Variants in CCDC178 observed in about 807,000 individuals in gnomAD.
The protein encoded by CCDC178 is coiled-coil domain containing 178.
Under a neutral mutation model 117.4 loss-of-function variants are expected in CCDC178, and 126 were observed. The observed-to-expected ratio is 1.07, with a 90% CI of 0.93 to 1.24. The LOEUF is 1.24. Among genes scored for constraint, CCDC178 ranks in the 50% most tolerant of loss-of-function variants. CCDC178 has a pLI of 0.00. For missense variants in CCDC178, 1,030 were observed against 986.9 expected (o/e 1.04, Z -0.59); for synonymous variants, 283 against 313.4 (o/e 0.90, Z 1.02).
At chr18:32,985,772 C>T (rs1193321363) in intron 21 of CCDC178, among the ~76,000 whole-genome samples, 1 of 151,856 alleles carries the variant, frequency 6.6e-6, no homozygotes, top group African/African-American at 2.4e-5. Flanking sequence ...GATGTTCTAC[C>T]ACACTCTGGA....
chr18:33,279,938 T>C (rs939737089), intron 12 of CCDC178, among the ~76,000 whole-genome samples: 2 of 152,076 alleles, frequency 1.3e-5, no homozygotes, highest in African/African-American at 4.8e-5. Flanking sequence ...TTACACCTTA[T>C]ACAAAAATTA....
chr18:33,097,220 A>T (rs1191098648), intron 20 of CCDC178, among the ~76,000 whole-genome samples: 1 of 152,102 alleles, frequency 6.6e-6, no homozygotes, highest in Non-Finnish European at 1.5e-5. Flanking sequence ...CTTTGAGGGC[A>T]TTCACCCTTG....
intron 20 of CCDC178, among the ~76,000 whole-genome samples, chr18:33,181,291 C>T (rs2058730148): frequency 6.6e-6 from 1 of 151,936 alleles, no homozygotes. Flanking sequence ...TCACTGAATA[C>T]ACAAGAGGAG....
intron 21 of CCDC178, among the ~76,000 whole-genome samples, chr18:33,060,857 C>T (rs1385764248): frequency 6.6e-6 from 1 of 152,026 alleles, no homozygotes; most frequent in Non-Finnish European, 1.5e-5. Context: ...TTAATCAAAA[C>T]AAGGCACAAA....
chr18:33,092,025 T>C (rs1488023333), intron 21 of CCDC178, among the ~76,000 whole-genome samples: 1 of 152,180 alleles, frequency 6.6e-6, no homozygotes, highest in Admixed American at 6.5e-5. Flanking sequence ...ATATGGGTGA[T>C]ACCAGTAGGA....
intron 21 of CCDC178, among the ~76,000 whole-genome samples, chr18:33,007,586 C>G (rs1293071237): frequency 6.6e-6 from 1 of 152,022 alleles, no homozygotes; most frequent in Non-Finnish European, 1.5e-5. Context: ...CCTGTCATTC[C>G]CCTCTAACGA....
rs561639688 is a variant in CCDC178 at position 33,174,248 on chromosome 18, C to A, written c.2238+37648G>T. On this transcript the variant is annotated intron_variant, in intron 20 of 22. Coordinates refer to ENST00000383096, the MANE Select transcript of CCDC178 (RefSeq NM_001105528.4). ...TGACTGTCGCAAAGACAGCACCAAG[C>A]CATAAGGGCTCTTCTCCTATAGCCC... Among the ~76,000 whole-genome samples, 98 of 152,266 alleles carry A rather than the reference C, an allele frequency of 6.4e-4. 1 individual carries two copies. In the South Asian group the frequency reaches 0.019, roughly 30 times the overall value.
intron 20 of CCDC178, among the ~76,000 whole-genome samples, chr18:33,156,641 C>CCAAA: frequency 1.0e-5 from 1 of 99,236 alleles, no homozygotes; most frequent in South Asian, 4.3e-4. Context: ...TCCTCCCTCT[C>CCAAA]AAAAAAAAAA....
chr18:33,338,606 T>C (rs201523842), intron 9 of CCDC178, among the ~76,000 whole-genome samples: 1 of 152,024 alleles, frequency 6.6e-6, no homozygotes, highest in Non-Finnish European at 1.5e-5. Context: ...GCAACCTGAG[T>C]GGAATTGCTG....
intron 20 of CCDC178, among the ~76,000 whole-genome samples, chr18:33,112,497 T>G (rs981098134): frequency 2.0e-5 from 3 of 151,884 alleles, no homozygotes; most frequent in Non-Finnish European, 4.4e-5. Flanking sequence ...TTTTTTGGTG[T>G]TGTCTTTCTC....
intron 20 of CCDC178, among the ~76,000 whole-genome samples, chr18:33,114,120 G>A (rs985154672): frequency 6.6e-6 from 1 of 152,070 alleles, no homozygotes; most frequent in South Asian, 2.1e-4. Context: ...TTCTGAGGCA[G>A]CTCCCCTTCC....
intron 12 of CCDC178, among the ~76,000 whole-genome samples, chr18:33,278,078 ATT>A (rs1421597278): frequency 6.6e-6 from 1 of 151,948 alleles, no homozygotes; most frequent in Non-Finnish European, 1.5e-5. Flanking sequence ...TCTAAATGTT[ATT>A]ATCTCTAATG....
At chr18:33,417,462 T>C (rs72942655) in intron 2 of CCDC178, among the ~76,000 whole-genome samples, 17,315 of 151,900 alleles carry the variant, frequency 0.11, 1,186 homozygotes, top group East Asian at 0.19. Context: ...AGGAATGCTG[T>C]GGTGGGGTAA....
intron 20 of CCDC178, among the ~76,000 whole-genome samples, chr18:33,171,761 TG>T (rs1413518551): frequency 6.6e-6 from 1 of 152,226 alleles, no homozygotes; most frequent in Non-Finnish European, 1.5e-5. Context: ...ACTCCTAAAT[TG>T]GCTCAATATT....
At chr18:33,337,924 TA>T (rs1485941293) in intron 9 of CCDC178, among the ~76,000 whole-genome samples, 1 of 151,976 alleles carries the variant, frequency 6.6e-6, no homozygotes, top group Non-Finnish European at 1.5e-5. Flanking sequence ...TTAATTAAAC[TA>T]AAAAAGCTTC....
At chr18:33,336,757 A>G (rs1449294692) in intron 9 of CCDC178, among the ~76,000 whole-genome samples, 1 of 152,034 alleles carries the variant, frequency 6.6e-6, no homozygotes, top group Non-Finnish European at 1.5e-5. Flanking sequence ...GACAGATAAA[A>G]TTTTAAATAC....
chr18:33,434,601 T>C (rs1447389562), intron 2 of CCDC178, among the ~76,000 whole-genome samples: 1 of 152,056 alleles, frequency 6.6e-6, no homozygotes, highest in Non-Finnish European at 1.5e-5. Flanking sequence ...GTCTGCAACA[T>C]TGTGTTTCAG....
At chr18:33,029,620 G>GT (rs2056296098) in intron 21 of CCDC178, among the ~76,000 whole-genome samples, 1 of 151,860 alleles carries the variant, frequency 6.6e-6, no homozygotes, top group African/African-American at 2.4e-5. Context: ...TCTTGTTCAT[G>GT]TAGGCATTTA....
At chr18:33,056,875 G>T (rs2056839283) in intron 21 of CCDC178, among the ~76,000 whole-genome samples, 1 of 151,554 alleles carries the variant, frequency 6.6e-6, no homozygotes, top group Non-Finnish European at 1.5e-5. Context: ...CCAAAAGAGG[G>T]TCTGGAATTG....
Sources: allele counts gnomAD v4.1 joint callset (sites outside exome capture counted in the v4.1 genomes callset), GRCh38; gene constraint gnomAD v4.1.1; transcripts MANE v1.5; gene names NCBI Gene and HGNC (gene_info 2026-07-23, HGNC 2026-07-21).